The following PAPPA variants were observed in gnomAD, a reference collection of about 807,000 sequenced individuals.
PAPPA encodes the protein pappalysin-1.
In PAPPA, 60 loss-of-function variants were observed where a neutral mutation model predicts 164.0. That is an observed-to-expected ratio of 0.37 (90% CI 0.30 to 0.45). The LOEUF (loss-of-function observed/expected upper bound fraction) is 0.45, where lower values mean the gene tolerates loss of function less well. Ranked by LOEUF, PAPPA falls within the 20% of genes least tolerant of loss-of-function variation. PAPPA has a pLI of 1.00. For synonymous variants in PAPPA, 875 were observed against 814.1 expected (o/e 1.07, Z -1.27); for missense variants, 1,782 against 2,087.3 (o/e 0.85, Z 2.85).
At chr9:116,261,627 A>T (rs1404918519) in intron 7 of PAPPA, among the ~76,000 whole-genome samples, 1 of 152,224 alleles carries the variant, frequency 6.6e-6, no homozygotes, top group East Asian at 1.9e-4. Flanking sequence ...TTTAAGCTTA[A>T]GTCATAAGGT....
At chr9:116,306,535 C>G (rs1845649142) in intron 10 of PAPPA, among the ~76,000 whole-genome samples, 1 of 152,102 alleles carries the variant, frequency 6.6e-6, no homozygotes, top group South Asian at 2.1e-4. Flanking sequence ...GTTGAACATC[C>G]TATAATAAGA....
intron 10 of PAPPA, among the ~76,000 whole-genome samples, chr9:116,322,519 A>T (rs1845871111): frequency 6.6e-6 from 1 of 150,786 alleles, no homozygotes; most frequent in African/African-American, 2.4e-5. Context: ...TGGTTTATGG[A>T]GGAGGTTTTA....
In PAPPA at chr9:116,398,525, A is replaced by G; in HGVS notation, c.*1909A>G. 1 of 1,246,940 alleles carries G rather than the reference A, an allele frequency of 8.0e-7. No individual in the cohort carries two copies. The highest frequency in any genetic ancestry group is 1.0e-6 in the Non-Finnish European group (1 of 965,178). The allele number at this position is 1,246,940 out of a possible 1,614,324, so 77.2% of individuals were successfully genotyped here. ...ACCAAAAATAACTTTAGGAACCACC[A>G]TATTATATCACTCCCAATAGCACTG... On this transcript the variant is annotated 3_prime_UTR_variant, in exon 22 of 22. Transcript: ENST00000328252.
At position 116,187,463 on chromosome 9, in the gene PAPPA, G is replaced by T; in HGVS notation, c.725G>T (p.Gly242Val). ...TQKCKVLMLGGSALNHNYRGY... is the reference protein window; with the variant it reads ...TQKCKVLMLGVSALNHNYRGY... ...AAGTGCAAAGTGCTCATGTTAGGGG[G>T]CAGTGCCCTGAATCACAACTACCGG... is the stretch of plus-strand genomic sequence containing the variant. Residue 242 changes from glycine to valine, a missense_variant, in exon 2 of 22, where the codon GGC becomes GTC. Physicochemically the swap from Gly to Val is moderately radical, Grantham distance 109. Around this residue, in one of 2 missense-constraint regions of PAPPA, gnomAD observed 458 missense variants for 430.3 expected, o/e 1.06. Coordinates refer to ENST00000328252, the MANE Select transcript of PAPPA (RefSeq NM_002581.5). This position sits in a 1 kb window ranked among gnomAD's most constrained non-coding sequence, Gnocchi z 4.2. 1 of 1,614,174 alleles carries T rather than the reference G, an allele frequency of 6.2e-7. No homozygotes were observed. Among genetic ancestry groups the T allele is most frequent in the Non-Finnish European group, 8.5e-7 (1 of 1,180,036 alleles).
At chr9:116,168,026 T>C (rs1189412836) in intron 1 of PAPPA, among the ~76,000 whole-genome samples, 1 of 152,206 alleles carries the variant, frequency 6.6e-6, no homozygotes, top group African/African-American at 2.4e-5. Context: ...ACATCAGTGC[T>C]CTTTCCACTG....
intron 2 of PAPPA, among the ~76,000 whole-genome samples, chr9:116,203,496 GC>G (rs1409181956): frequency 6.6e-6 from 1 of 152,172 alleles, no homozygotes; most frequent in East Asian, 1.9e-4. Context: ...ATAACCCAAA[GC>G]AGATTGATAA....
In PAPPA at chr9:116,397,864, T is replaced by C. The variant is rs1444543265; in HGVS notation, c.*1248T>C. ...ATCTTCCTAGCCCTTCAGGCTAGAGTAGGCTTTGATCCTGAGAACCTTGCT... is the reference window on the plus strand; with the variant it reads ...ATCTTCCTAGCCCTTCAGGCTAGAGCAGGCTTTGATCCTGAGAACCTTGCT... On this transcript the variant is annotated 3_prime_UTR_variant, in exon 22 of 22. Coordinates refer to ENST00000328252, the MANE Select transcript of PAPPA (RefSeq NM_002581.5). 6.6e-6 allele frequency: 1 copy of C among 152,670 alleles called. No homozygotes were observed. Among genetic ancestry groups the C allele is most frequent in the African/African-American group, 2.4e-5 (1 of 41,448 alleles). 9.5% of individuals were successfully genotyped at this position (152,670 alleles called of 1,614,324 possible).
At chr9:116,165,756 C>T (rs1431683156) in intron 1 of PAPPA, among the ~76,000 whole-genome samples, 2 of 152,130 alleles carry the variant, frequency 1.3e-5, no homozygotes, top group African/African-American at 4.8e-5. Flanking sequence ...ATTTCCAGTG[C>T]ACCATTTTGC....
chr9:116,282,722 T>A (rs1174756135), intron 9 of PAPPA, among the ~76,000 whole-genome samples: 1 of 152,146 alleles, frequency 6.6e-6, no homozygotes, highest in Non-Finnish European at 1.5e-5. Flanking sequence ...GGTTATCTAA[T>A]AAAGTGTGTA....
chr9:116,299,302 C>T (rs1039314593), intron 9 of PAPPA, among the ~76,000 whole-genome samples: 2 of 152,060 alleles, frequency 1.3e-5, no homozygotes, highest in South Asian at 2.1e-4. Flanking sequence ...TCTTCCTCTA[C>T]GTATCTATAT....
intron 1 of PAPPA, among the ~76,000 whole-genome samples, chr9:116,176,958 A>G (rs1444979553): frequency 9.4e-6 from 1 of 106,840 alleles, no homozygotes; most frequent in African/African-American, 3.9e-5. Flanking sequence ...GAGTACTGAG[A>G]GGAAAGACCC....
chr9:116,309,144 C>T (rs143972872), intron 10 of PAPPA, among the ~76,000 whole-genome samples: 2,515 of 151,788 alleles, frequency 0.017, 41 homozygotes, highest in South Asian at 0.035. Context: ...GGCACAATCT[C>T]GGCTCACTGC....
Position 116,153,858 on chromosome 9 carries a change from A to T in PAPPA, c.-315A>T, listed in dbSNP as rs1843563249. 1 of 162,796 alleles carries T rather than the reference A, an allele frequency of 6.1e-6. No homozygotes were observed. Among genetic ancestry groups the T allele is most frequent in the South Asian group, 1.8e-4 (1 of 5,432 alleles). 10.1% of individuals were successfully genotyped at this position (162,796 alleles called of 1,614,324 possible). The stretch of plus-strand genomic sequence containing the variant: ...AGAGGAGCTTTTTTTTGGAGCGAGA[A>T]ATCATATAAAATAAAATGAAATAAA... On this transcript the variant is annotated 5_prime_UTR_variant, in exon 1 of 22. Transcript: ENST00000328252.
At chr9:116,263,267 G>A (rs570913407) in intron 7 of PAPPA, among the ~76,000 whole-genome samples, 13 of 152,230 alleles carry the variant, frequency 8.5e-5, no homozygotes, top group African/African-American at 2.9e-4. Flanking sequence ...CACAGATTTC[G>A]CCCCAGGGTA....
chr9:116,312,278 T>G (rs1845727759), intron 10 of PAPPA, among the ~76,000 whole-genome samples: 1 of 112,206 alleles, frequency 8.9e-6, no homozygotes, highest in Non-Finnish European at 2.0e-5. Flanking sequence ...TTCTTTTCTT[T>G]TCTTTCTTTC....
chr9:116,343,128 C>T (rs1407993052), intron 13 of PAPPA, among the ~76,000 whole-genome samples: 1 of 152,184 alleles, frequency 6.6e-6, no homozygotes, highest in African/African-American at 2.4e-5. Flanking sequence ...CCCCAATTTA[C>T]CCAACTGTAA....
chr9:116,204,462 G>A (rs920538103), intron 2 of PAPPA, among the ~76,000 whole-genome samples: 1 of 152,142 alleles, frequency 6.6e-6, no homozygotes, highest in African/African-American at 2.4e-5. Context: ...TTGCCCAAGT[G>A]GGAGTACAGT....
chr9:116,262,529 G>A (rs775535528), intron 7 of PAPPA, among the ~76,000 whole-genome samples: 62 of 152,196 alleles, frequency 4.1e-4, no homozygotes, highest in Non-Finnish European at 8.4e-4. Context: ...CTGGACAGTG[G>A]CTCTAAATTT....
At chr9:116,195,959 A>G (rs2118649284) in intron 2 of PAPPA, among the ~76,000 whole-genome samples, 1 of 152,310 alleles carries the variant, frequency 6.6e-6, no homozygotes, top group South Asian at 2.1e-4. Context: ...AGAGATAAGC[A>G]GCATGCCACA....
Sources: allele counts gnomAD v4.1 joint callset (sites outside exome capture counted in the v4.1 genomes callset), GRCh38; gene constraint gnomAD v4.1.1; regional missense constraint gnomAD v4.1.1; non-coding constraint Gnocchi (gnomAD v3.1); transcripts MANE v1.5; gene names NCBI Gene and HGNC (gene_info 2026-07-23, HGNC 2026-07-21).